ENPP1: variants seen among roughly 807,000 people sequenced by gnomAD.
The protein encoded by ENPP1 is ectonucleotide pyrophosphatase/phosphodiesterase family member 1.
A neutral mutation model predicts 122.8 loss-of-function variants in ENPP1; 73 were observed. That is an observed-to-expected ratio of 0.59 (90% CI 0.49 to 0.72). The LOEUF (loss-of-function observed/expected upper bound fraction) is 0.72, where lower values mean the gene tolerates loss of function less well. Among genes scored for constraint, ENPP1 ranks in the 30% least tolerant of loss-of-function variants. The pLI, the probability that ENPP1 is intolerant of heterozygous loss-of-function variation, is 0.00. For synonymous variants in ENPP1, 367 were observed against 391.6 expected (o/e 0.94, Z 0.74); for missense variants, 978 against 1,128.1 (o/e 0.87, Z 1.91).
At position 131,832,345 on chromosome 6, in the gene ENPP1, G is replaced by C. The variant is rs528527962; in HGVS notation, c.241-15431G>C. Among the ~76,000 whole-genome samples, 5 of 152,276 alleles carry C rather than the reference G, an allele frequency of 3.3e-5. No homozygotes were observed. The South Asian group carries it at 1.0e-3, about 32-fold the overall frequency. Reference sequence around the variant, plus strand: ...GCATCACACCACCCATGCCTCCATTGCACTATATGTGTGGATTAGTTTTCA... The same window carrying C: ...GCATCACACCACCCATGCCTCCATTCCACTATATGTGTGGATTAGTTTTCA... On this transcript the variant is annotated intron_variant, in intron 1 of 24. Coordinates refer to ENST00000647893, the MANE Select transcript of ENPP1 (RefSeq NM_006208.3).
At chr6:131,886,767 G>C in intron 24 of ENPP1, 43 bp downstream of exon 24, 1 of 1,562,036 alleles carries the variant, frequency 6.4e-7, no homozygotes, top group Non-Finnish European at 8.8e-7. Context: ...TGAAAATCTA[G>C]ACATATGCAT....
intron 23 of ENPP1, 94 bp downstream of exon 23, chr6:131,885,157 C>T: frequency 8.3e-7 from 1 of 1,202,244 alleles, no homozygotes. Flanking sequence ...CTTTTTTATC[C>T]AGTGTCGTAT....
At chr6:131,838,687 A>G (rs893682366) in intron 1 of ENPP1, among the ~76,000 whole-genome samples, 2 of 152,026 alleles carry the variant, frequency 1.3e-5, no homozygotes, top group Non-Finnish European at 2.9e-5. Flanking sequence ...CAATAAGCAT[A>G]CAAAAGAAAA....
intron 1 of ENPP1, among the ~76,000 whole-genome samples, chr6:131,817,097 C>T (rs1781424147): frequency 6.6e-6 from 1 of 152,216 alleles, no homozygotes; most frequent in African/African-American, 2.4e-5. Flanking sequence ...ATTTACTCTA[C>T]TTCTAGCAAC....
chr6:131,869,763 C>G (rs564148437), intron 13 of ENPP1, among the ~76,000 whole-genome samples: 1 of 145,128 alleles, frequency 6.9e-6, no homozygotes, highest in Non-Finnish European at 1.5e-5. Flanking sequence ...GGCTGAGGTA[C>G]AAGAATCGCT....
chr6:131,835,303 T>C (rs1781660713), intron 1 of ENPP1, among the ~76,000 whole-genome samples: 1 of 152,210 alleles, frequency 6.6e-6, no homozygotes, highest in African/African-American at 2.4e-5. Flanking sequence ...CAATTGTCAT[T>C]ACCAGCTCCC....
chr6:131,825,078 C>G (rs1328185456), intron 1 of ENPP1, among the ~76,000 whole-genome samples: 1 of 151,690 alleles, frequency 6.6e-6, no homozygotes, highest in Non-Finnish European at 1.5e-5. Flanking sequence ...AACAAACAAA[C>G]AAAAGCAATT....
rs746404551 is a variant in ENPP1 at position 131,879,990 on chromosome 6, G to A, written c.2056G>A (p.Asp686Asn). The change falls in exon 20 of 25, where the codon GAC becomes AAC. Residue 686 changes from aspartate to asparagine, a missense_variant. Physicochemically the swap from Asp to Asn is conservative, Grantham distance 23. This residue lies in a region of ENPP1 where 644 missense variants were observed against 781.5 expected (regional missense o/e 0.82). Transcript: ENST00000647893. ...CCAGTTTATGAGTGGATACAGCCAA[G>A]ACATCTTAATGCCCCTTTGGACATC... is the stretch of plus-strand genomic sequence containing the variant. ...QHQFMSGYSQ[D>N]ILMPLWTSYT... is the part of the protein sequence containing the mutation. 6.2e-7 allele frequency: 1 copy of A among 1,614,130 alleles called. No individual in the cohort carries two copies. Among genetic ancestry groups the A allele is most frequent in the East Asian group, 2.2e-5 (1 of 44,878 alleles).
At chr6:131,827,684 G>A (rs1210082268) in intron 1 of ENPP1, 4 of 652,510 alleles carry the variant, frequency 6.1e-6, no homozygotes, top group African/African-American at 5.4e-5. Context: ...ACGTGCATGC[G>A]GAATCTTCTC....
At chr6:131,865,745 G>A (rs982816795) in intron 11 of ENPP1, among the ~76,000 whole-genome samples, 1 of 152,224 alleles carries the variant, frequency 6.6e-6, no homozygotes. Flanking sequence ...TGTAATCCCA[G>A]CACTTTGGGA....
At chr6:131,870,429 T>C (rs1026712277) in intron 13 of ENPP1, among the ~76,000 whole-genome samples, 2 of 152,362 alleles carry the variant, frequency 1.3e-5, no homozygotes, top group East Asian at 3.9e-4. Context: ...CCACCTCTGT[T>C]ACCTCCCTCT....
chr6:131,876,358 T>A (rs1035842476), intron 17 of ENPP1, among the ~76,000 whole-genome samples: 1 of 152,232 alleles, frequency 6.6e-6, no homozygotes, highest in Non-Finnish European at 1.5e-5. Flanking sequence ...AAGCATTGTG[T>A]GTTTTAAATA....
intron 1 of ENPP1, among the ~76,000 whole-genome samples, chr6:131,829,683 G>A (rs1162090839): frequency 6.6e-6 from 1 of 152,196 alleles, no homozygotes; most frequent in Non-Finnish European, 1.5e-5. Context: ...AACAGGGAAT[G>A]GTAGGACCCT....
chr6:131,879,071 T>G (rs1339969650), intron 19 of ENPP1, among the ~76,000 whole-genome samples: 1 of 152,130 alleles, frequency 6.6e-6, no homozygotes, highest in Non-Finnish European at 1.5e-5. Context: ...ATGTTTGGAG[T>G]CACTATAATA....
chr6:131,893,631 C>T lies in ENPP1; in HGVS notation c.*3120C>T, dbSNP rs1782501056. 1 of 152,222 alleles carries T rather than the reference C, an allele frequency of 6.6e-6. No individual in the cohort carries two copies. The allele number at this position is 152,222 out of a possible 1,614,324, so 9.4% of individuals were successfully genotyped here. A position where few individuals can be genotyped will look rare whatever the true frequency, so the allele number is the denominator to read the frequency against. ...AATAATCTGTTCTTAAAGAAAATGT[C>T]AGTCTCTACATTCTATGCTGACTGT... On this transcript the variant is annotated 3_prime_UTR_variant, in exon 25 of 25. Transcript: ENST00000647893.
At chr6:131,837,220 A>G (rs964953758) in intron 1 of ENPP1, among the ~76,000 whole-genome samples, 1 of 132,082 alleles carries the variant, frequency 7.6e-6, no homozygotes, top group African/African-American at 2.6e-5. Context: ...GTGTAGTTTG[A>G]TAAATTACTT....
Position 131,808,288 on chromosome 6 carries a change from C to T in ENPP1, c.240+13C>T. On this transcript the variant is annotated intron_variant, in intron 1 of 24. Transcript: ENST00000647893. ...AGTACTCTCGCTGGTAGGTCCGCGG[C>T]CAGGCCCCGGCGCCCGGGAGGGCTG... 1.3e-6 allele frequency: 2 copies of T among 1,487,486 alleles called. No individual in the cohort carries two copies. Among genetic ancestry groups the T allele is most frequent in the Non-Finnish European group, 1.8e-6 (2 of 1,114,448 alleles). The allele number at this position is 1,487,486 out of a possible 1,614,324, so 92.1% of individuals were successfully genotyped here. A position where few individuals can be genotyped will look rare whatever the true frequency, so the allele number is the denominator to read the frequency against.
At chr6:131,849,902 T>C in intron 2 of ENPP1, 88 bp from the exon 3 acceptor site, 1 of 961,836 alleles carries the variant, frequency 1.0e-6, no homozygotes, top group Non-Finnish European at 1.7e-6. Context: ...TTGAACCTAG[T>C]GTACACCTAA....
Position 131,872,109 on chromosome 6 carries a change from T to C in ENPP1, c.1437+8T>C. ...ATTGCCCGAAATCTTTCTGTGAGTA[T>C]CTTTATTTTCCATTATCTAGTTATT... On this transcript the variant is annotated splice_region_variant and intron_variant, in intron 14 of 24. Coordinates refer to ENST00000647893, the MANE Select transcript of ENPP1 (RefSeq NM_006208.3). The C allele has an allele frequency of 1.3e-6, 2 of 1,565,198 alleles. No individual in the cohort carries two copies. The highest frequency in any genetic ancestry group is 1.7e-6 in the Non-Finnish European group (2 of 1,142,910).
Sources: gnomAD v4.1 joint callset for allele counts (sites outside exome capture counted in the v4.1 genomes callset) on GRCh38, gnomAD v4.1.1 for gene constraint, gnomAD v4.1.1 regional missense constraint, MANE v1.5 for transcripts, NCBI Gene and HGNC (gene_info 2026-07-23, HGNC 2026-07-21) for gene names.